LRRTM4: variants seen among roughly 807,000 people sequenced by gnomAD.
The protein encoded by LRRTM4 is leucine rich repeat transmembrane neuronal 4.
Under a neutral mutation model 47.6 loss-of-function variants are expected in LRRTM4, and 25 were observed. The observed-to-expected ratio is 0.53, with a 90% CI of 0.38 to 0.73. The LOEUF (loss-of-function observed/expected upper bound fraction) is 0.73, where lower values mean the gene tolerates loss of function less well. Ranked by LOEUF, LRRTM4 falls within the 30% of genes least tolerant of loss-of-function variation. LRRTM4 has a pLI of 0.00. For synonymous variants in LRRTM4, 311 were observed against 269.5 expected (o/e 1.15, Z -1.51); for missense variants, 638 against 713.4 (o/e 0.89, Z 1.20).
chr2:77,058,547 CTCT>C (rs1208453159), intron 3 of LRRTM4, among the ~76,000 whole-genome samples: 6 of 151,648 alleles, frequency 4.0e-5, no homozygotes, highest in African/African-American at 1.2e-4. Context: ...CTATTTTCAT[CTCT>C]TCTTCTATTT....
intron 3 of LRRTM4, among the ~76,000 whole-genome samples, chr2:77,146,840 G>A (rs988958049): frequency 1.3e-5 from 2 of 152,008 alleles, no homozygotes; most frequent in Non-Finnish European, 2.9e-5. Flanking sequence ...AAGAATTAAG[G>A]ATCTCTTCTC....
intron 3 of LRRTM4, among the ~76,000 whole-genome samples, chr2:76,769,822 T>C (rs540541568): frequency 1.3e-5 from 2 of 152,160 alleles, no homozygotes; most frequent in Non-Finnish European, 2.9e-5. Flanking sequence ...ATAGGAAAAA[T>C]AGAAGCCCTA....
At position 76,910,082 on chromosome 2, in the gene LRRTM4, A is replaced by T. The variant is rs190167835; in HGVS notation, c.1552-161166T>A. On this transcript the variant is annotated intron_variant, in intron 3 of 3. Transcript: ENST00000409884. ...TGTGGCACTATTCACAATAGCAAAG[A>T]CTTGGAACCAACCCAAATGTCCAAC... 8.8e-3 allele frequency among the ~76,000 whole-genome samples: 1,333 copies of T among 152,242 alleles called. 27 individuals carry two copies. Among genetic ancestry groups the T allele is most frequent in the African/African-American group, 0.03 (1,228 of 41,534 alleles).
chr2:77,463,600 TATAA>T (rs916179778), intron 3 of LRRTM4, among the ~76,000 whole-genome samples: 2 of 152,132 alleles, frequency 1.3e-5, no homozygotes, highest in African/African-American at 4.8e-5. Flanking sequence ...CCATATTTTC[TATAA>T]ATAATAGGCC....
At chr2:77,459,617 G>T (rs888854229) in intron 3 of LRRTM4, among the ~76,000 whole-genome samples, 1 of 151,804 alleles carries the variant, frequency 6.6e-6, no homozygotes, top group Non-Finnish European at 1.5e-5. Context: ...TATATAAACA[G>T]TTTATGTTAA....
chr2:76,838,835 C>G (rs1037905431), intron 3 of LRRTM4, among the ~76,000 whole-genome samples: 9 of 152,060 alleles, frequency 5.9e-5, no homozygotes, highest in Admixed American at 5.3e-4. Flanking sequence ...TGAATTTCAT[C>G]TTCGAAAATT....
chr2:77,484,069 T>C (rs1677819783), intron 3 of LRRTM4, among the ~76,000 whole-genome samples: 1 of 152,208 alleles, frequency 6.6e-6, no homozygotes, highest in Non-Finnish European at 1.5e-5. Context: ...CATAGTGAAG[T>C]GCAATTTAGC....
chr2:76,771,791 G>A (rs993510738), intron 3 of LRRTM4, among the ~76,000 whole-genome samples: 16 of 152,130 alleles, frequency 1.1e-4, no homozygotes, highest in African/African-American at 3.6e-4. Flanking sequence ...TGCCTCTAAT[G>A]CTGTAGAATT....
At chr2:76,976,983 T>C (rs1676442635) in intron 3 of LRRTM4, among the ~76,000 whole-genome samples, 1 of 147,140 alleles carries the variant, frequency 6.8e-6, no homozygotes, top group Non-Finnish European at 1.5e-5. Context: ...TCAACTAAAA[T>C]TAAACAGAAA....
chr2:77,145,737 A>G (rs1273650316), intron 3 of LRRTM4, among the ~76,000 whole-genome samples: 4 of 151,738 alleles, frequency 2.6e-5, no homozygotes, highest in Admixed American at 2.0e-4. Flanking sequence ...TCATGCCACT[A>G]CACTCCAGCC....
At chr2:77,292,825 T>C (rs934438970) in intron 3 of LRRTM4, among the ~76,000 whole-genome samples, 3 of 151,416 alleles carry the variant, frequency 2.0e-5, no homozygotes, top group African/African-American at 7.3e-5. Context: ...TGTGCACATG[T>C]ACCCTAAAAC....
intron 3 of LRRTM4, among the ~76,000 whole-genome samples, chr2:77,182,514 C>T (rs1003909565): frequency 1.3e-5 from 2 of 152,002 alleles, no homozygotes; most frequent in Non-Finnish European, 2.9e-5. Context: ...AACAAACCTG[C>T]ACATTCTGCA....
chr2:77,016,811 G>T (rs537700001), intron 3 of LRRTM4, among the ~76,000 whole-genome samples: 2 of 151,684 alleles, frequency 1.3e-5, no homozygotes, highest in Non-Finnish European at 2.9e-5. Flanking sequence ...AACATTTGCC[G>T]CCTCTGGCTG....
At chr2:77,134,398 C>T (rs1230515210) in intron 3 of LRRTM4, among the ~76,000 whole-genome samples, 1 of 152,122 alleles carries the variant, frequency 6.6e-6, no homozygotes, top group Non-Finnish European at 1.5e-5. Context: ...CATATTTATA[C>T]ACTTTTTTCC....
chr2:77,481,663 C>T (rs556079857), intron 3 of LRRTM4, among the ~76,000 whole-genome samples: 1 of 151,966 alleles, frequency 6.6e-6, no homozygotes, highest in African/African-American at 2.4e-5. Flanking sequence ...CTTCTATGTT[C>T]TTTGCTTCTT....
intron 3 of LRRTM4, among the ~76,000 whole-genome samples, chr2:76,923,492 C>T (rs1474984164): frequency 6.6e-6 from 1 of 151,904 alleles, no homozygotes; most frequent in Non-Finnish European, 1.5e-5. Flanking sequence ...CTACTGGGTC[C>T]TTTTTCATTT....
intron 3 of LRRTM4, among the ~76,000 whole-genome samples, chr2:77,111,274 C>T (rs1400089684): frequency 7.0e-6 from 1 of 143,174 alleles, no homozygotes; most frequent in East Asian, 2.1e-4. Flanking sequence ...TGTGTCACCA[C>T]ACCTGGCTAT....
At chr2:76,838,031 A>C (rs963441828) in intron 3 of LRRTM4, among the ~76,000 whole-genome samples, 1 of 151,870 alleles carries the variant, frequency 6.6e-6, no homozygotes, top group African/African-American at 2.4e-5. Flanking sequence ...GCACATGTAT[A>C]CATATGTAAC....
chr2:76,769,558 A>C (rs913800302), intron 3 of LRRTM4, among the ~76,000 whole-genome samples: 7 of 152,164 alleles, frequency 4.6e-5, no homozygotes, highest in African/African-American at 7.2e-5. Context: ...GAAAACAATA[A>C]TATGGTTGTT....
Sources: allele counts gnomAD v4.1 joint callset (sites outside exome capture counted in the v4.1 genomes callset), GRCh38; gene constraint gnomAD v4.1.1; transcripts MANE v1.5; gene names NCBI Gene and HGNC (gene_info 2026-07-23, HGNC 2026-07-21).